CEP112: variants seen among roughly 807,000 people sequenced by gnomAD.
The protein encoded by CEP112 is centrosomal protein of 112 kDa.
CEP112 carries 127 observed loss-of-function variants against 153.0 expected under a neutral mutation model. That is an observed-to-expected ratio of 0.83 (90% confidence interval 0.72 to 0.96). The LOEUF is 0.96. Among genes scored for constraint, CEP112 ranks in the 40% least tolerant of loss-of-function variants. The pLI, the probability that CEP112 is intolerant of heterozygous loss-of-function variation, is 0.00. For synonymous variants in CEP112, 358 were observed against 374.4 expected, an observed-to-expected ratio of 0.96 and a Z score of 0.51; for missense variants, 1,089 against 1,101.2, an observed-to-expected ratio of 0.99 and a Z score of 0.16.
rs60933660 is a variant in CEP112, at chr17:65,870,117, C to T, written c.2164-18083G>A. Among the ~76,000 whole-genome samples the T allele has an allele frequency of 5.9e-5, 7 of 117,748 alleles. No individual in the cohort carries two copies. In the East Asian group the frequency reaches 1.7e-3, roughly 29 times the overall value. The allele number at this position is 117,748 out of a possible 152,430, so 77.2% of individuals were successfully genotyped here. A position where few individuals can be genotyped will look rare whatever the true frequency, so the allele number is the denominator to read the frequency against. On this transcript the variant is annotated intron_variant, in intron 20 of 26. Transcript: ENST00000535342. ...AAGAGAAAATACAAAGAAAAAAAAG[C>T]AATCAGTGTATGTGCTTATCTGAAA... is the stretch of plus-strand genomic sequence containing the variant.
chr17:65,882,269 C>T (rs576970839), intron 20 of CEP112, among the ~76,000 whole-genome samples: 1 of 152,316 alleles, frequency 6.6e-6, no homozygotes, highest in South Asian at 2.1e-4. Flanking sequence ...GTACTGAGCA[C>T]ATAATTTTAT....
chr17:66,068,766 C>T (rs2067209129), intron 9 of CEP112, among the ~76,000 whole-genome samples: 1 of 152,036 alleles, frequency 6.6e-6, no homozygotes, highest in Non-Finnish European at 1.5e-5. Context: ...AAACCTATTT[C>T]AAATTCCATC....
chr17:65,932,880 G>T (rs1322053869), intron 18 of CEP112, among the ~76,000 whole-genome samples: 2 of 105,870 alleles, frequency 1.9e-5, no homozygotes, highest in Admixed American at 1.9e-4. Flanking sequence ...ATTTGGTTTG[G>T]GACACAGATC....
At chr17:65,906,185 C>T (rs1393573915) in intron 19 of CEP112, among the ~76,000 whole-genome samples, 2 of 149,462 alleles carry the variant, frequency 1.3e-5, no homozygotes, top group Admixed American at 6.7e-5. Context: ...CCAAACACCC[C>T]ATGTTCTCAC....
At chr17:65,963,095 G>T (rs549105339) in intron 17 of CEP112, among the ~76,000 whole-genome samples, 34 of 152,274 alleles carry the variant, frequency 2.2e-4, no homozygotes, top group African/African-American at 7.9e-4. Flanking sequence ...GTCAAGCCAG[G>T]ATTCCAGTCC....
At chr17:66,079,905 G>A (rs1221861982) in intron 8 of CEP112, among the ~76,000 whole-genome samples, 1 of 152,158 alleles carries the variant, frequency 6.6e-6, no homozygotes, top group African/African-American at 2.4e-5. Context: ...ACAAACAATG[G>A]GGAAAGGATT....
chr17:66,190,750 C>A (rs1391091730), intron 1 of CEP112, among the ~76,000 whole-genome samples: 1 of 152,028 alleles, frequency 6.6e-6, no homozygotes, highest in African/African-American at 2.4e-5. Context: ...TGGACAGCTA[C>A]AAAATGGGCT....
intron 24 of CEP112, among the ~76,000 whole-genome samples, chr17:65,677,497 A>T (rs1658629722): frequency 6.6e-6 from 1 of 152,236 alleles, no homozygotes; most frequent in Non-Finnish European, 1.5e-5. Context: ...ATCCAACAGG[A>T]TATCTACATG....
chr17:66,062,924 A>T, intron 11 of CEP112, 39 bp downstream of exon 11: 1 of 1,034,424 alleles, frequency 9.7e-7, no homozygotes, highest in Non-Finnish European at 1.4e-6. Flanking sequence ...TTGGAAGCAT[A>T]AACTTTTATG....
At chr17:65,940,873 A>G (rs1224749157) in intron 18 of CEP112, among the ~76,000 whole-genome samples, 1 of 152,154 alleles carries the variant, frequency 6.6e-6, no homozygotes, top group African/African-American at 2.4e-5. Flanking sequence ...GTAAGAGAGT[A>G]TATTTCAAAT....
intron 6 of CEP112, among the ~76,000 whole-genome samples, chr17:66,109,039 CAATT>C (rs1568499179): frequency 6.6e-6 from 1 of 151,934 alleles, no homozygotes; most frequent in Admixed American, 6.6e-5. Flanking sequence ...GACATGTTCT[CAATT>C]ATTTGTGGGA....
chr17:65,670,896 CG>C (rs1214265544), intron 24 of CEP112, among the ~76,000 whole-genome samples: 9 of 3,370 alleles, frequency 2.7e-3, no homozygotes, highest in East Asian at 0.024. Flanking sequence ...TGGTAGTGGG[CG>C]GGGGGGGCGG....
At chr17:65,874,137 G>A (rs1005441748) in intron 20 of CEP112, among the ~76,000 whole-genome samples, 24 of 152,150 alleles carry the variant, frequency 1.6e-4, no homozygotes, top group African/African-American at 5.3e-4. Flanking sequence ...TAAATATGTA[G>A]GTATTGTCAT....
At chr17:65,801,494 G>C (rs1437256292) in intron 21 of CEP112, among the ~76,000 whole-genome samples, 1 of 152,036 alleles carries the variant, frequency 6.6e-6, no homozygotes, top group African/African-American at 2.4e-5. Context: ...CTTATCCAAG[G>C]TCATAAACAT....
At chr17:66,060,552 C>G (rs1363260317) in intron 11 of CEP112, among the ~76,000 whole-genome samples, 1 of 152,040 alleles carries the variant, frequency 6.6e-6, no homozygotes, top group Non-Finnish European at 1.5e-5. Context: ...GGCATAAAAA[C>G]AGACACACAG....
At chr17:65,806,961 C>G (rs567123934) in intron 21 of CEP112, among the ~76,000 whole-genome samples, 1 of 152,084 alleles carries the variant, frequency 6.6e-6, no homozygotes, top group South Asian at 2.1e-4. Flanking sequence ...GAGGTTGGAA[C>G]AGTTTGGAGG....
intron 12 of CEP112, among the ~76,000 whole-genome samples, chr17:66,030,232 T>TA (rs2065405221): frequency 6.6e-6 from 1 of 152,212 alleles, no homozygotes; most frequent in Non-Finnish European, 1.5e-5. Context: ...ACATCACAGT[T>TA]ATATACTTTT....
intron 24 of CEP112, among the ~76,000 whole-genome samples, chr17:65,656,992 A>C (rs950026431): frequency 2.0e-5 from 3 of 152,216 alleles, no homozygotes; most frequent in African/African-American, 7.2e-5. Context: ...TAATCAGCAC[A>C]GTGGCTATTA....
intron 16 of CEP112, among the ~76,000 whole-genome samples, chr17:66,016,885 C>A (rs34000820): frequency 0.41 from 62,441 of 151,946 alleles, 14,292 homozygotes; most frequent in East Asian, 0.87. Context: ...AGTCCAAGCT[C>A]ATAATCAGAT....
Sources: allele counts gnomAD v4.1 joint callset (sites outside exome capture counted in the v4.1 genomes callset), GRCh38; gene constraint gnomAD v4.1.1; transcripts MANE v1.5; gene names NCBI Gene and HGNC (gene_info 2026-07-23, HGNC 2026-07-21).